MAML3: variants seen among roughly 807,000 people sequenced by gnomAD.
The protein encoded by MAML3 is mastermind-like protein 3.
In MAML3, 27 loss-of-function variants were observed where a neutral mutation model predicts 101.9. The ratio of observed to expected loss-of-function variants is 0.27; its 90% CI spans 0.20 to 0.37. The LOEUF (loss-of-function observed/expected upper bound fraction) is 0.37, where lower values mean the gene tolerates loss of function less well. Ranked by LOEUF, MAML3 falls within the 10% of genes least tolerant of loss-of-function variation. The pLI is 1.00. For synonymous variants in MAML3, 501 were observed against 555.9 expected, an observed-to-expected ratio of 0.90 and a Z score of 1.39; for missense variants, 1,316 against 1,444.9, an observed-to-expected ratio of 0.91 and a Z score of 1.45.
intron 1 of MAML3, among the ~76,000 whole-genome samples, chr4:139,992,048 A>C (rs1278717428): frequency 6.6e-6 from 1 of 152,210 alleles, no homozygotes; most frequent in Admixed American, 6.5e-5. Context: ...CCCCAGATCA[A>C]CTTTGTGTCT....
At chr4:139,885,932 C>CAAAAAAAAAAAAAAAAAAAAAAAAA (rs1182443191) in intron 2 of MAML3, among the ~76,000 whole-genome samples, 3 of 20,306 alleles carry the variant, frequency 1.5e-4, no homozygotes, top group Non-Finnish European at 1.9e-4. Context: ...GACTCCGTCT[C>CAAAAAAAAAAAAAAAAAAAAAAAAA]AAAAAAAAAA....
chr4:139,879,307 C>T (rs1455953722), intron 2 of MAML3, among the ~76,000 whole-genome samples: 1 of 151,894 alleles, frequency 6.6e-6, no homozygotes, highest in Non-Finnish European at 1.5e-5. Context: ...AGATGAGTCA[C>T]TTGAGGTCAG....
chr4:139,792,307 C>G (rs768945287), intron 2 of MAML3, among the ~76,000 whole-genome samples: 17 of 152,122 alleles, frequency 1.1e-4, no homozygotes, highest in Non-Finnish European at 2.4e-4. Context: ...AAACGATATC[C>G]TTTACAGATA....
At chr4:139,967,742 G>A (rs906526252) in intron 1 of MAML3, among the ~76,000 whole-genome samples, 22 of 152,162 alleles carry the variant, frequency 1.4e-4, no homozygotes, top group Non-Finnish European at 2.5e-4. Flanking sequence ...TTTTTCAAAC[G>A]CCTGGACAAA....
chr4:139,942,294 C>T (rs1410534202), intron 1 of MAML3, among the ~76,000 whole-genome samples: 1 of 152,042 alleles, frequency 6.6e-6, no homozygotes, highest in Non-Finnish European at 1.5e-5. Flanking sequence ...CATTAATAGC[C>T]CAGCTAAGAG....
chr4:139,885,128 C>T lies in MAML3; in HGVS notation c.2079+4229G>A, dbSNP rs575308312. 7.9e-5 allele frequency among the ~76,000 whole-genome samples: 12 copies of T among 152,224 alleles called. No homozygotes were observed. In the South Asian group the frequency reaches 1.7e-3, roughly 21 times the overall value. Reference sequence around the variant, plus strand: ...AAATAATAAATACTCAGGCCGGGTGCGGTGGCTCACGCCTGTAATCCCAGC... The same window carrying T: ...AAATAATAAATACTCAGGCCGGGTGTGGTGGCTCACGCCTGTAATCCCAGC... On this transcript the variant is annotated intron_variant, in intron 2 of 4. Transcript: ENST00000509479.
At chr4:139,978,784 C>A (rs1734392660) in intron 1 of MAML3, among the ~76,000 whole-genome samples, 1 of 151,948 alleles carries the variant, frequency 6.6e-6, no homozygotes, top group African/African-American at 2.4e-5. Flanking sequence ...TGGATGACAT[C>A]CCCCCCAGAG....
chr4:139,841,390 C>G (rs551222968), intron 2 of MAML3, among the ~76,000 whole-genome samples: 37 of 152,296 alleles, frequency 2.4e-4, no homozygotes, highest in Non-Finnish European at 4.7e-4. Flanking sequence ...CATGTAGGGT[C>G]AAGGAACAAA....
At chr4:139,994,862 C>T (rs1312159814) in intron 1 of MAML3, among the ~76,000 whole-genome samples, 1 of 151,784 alleles carries the variant, frequency 6.6e-6, no homozygotes, top group East Asian at 1.9e-4. Context: ...TGTGAATAAA[C>T]TTTCCATTTT....
chr4:139,831,653 C>G lies in MAML3; in HGVS notation c.2079+57704G>C, dbSNP rs567473466. Among the ~76,000 whole-genome samples, 26 of 152,262 alleles carry G rather than the reference C, an allele frequency of 1.7e-4. No homozygotes were observed. In the South Asian group the frequency reaches 2.7e-3, roughly 16 times the overall value. On this transcript the variant is annotated intron_variant, in intron 2 of 4. Transcript: ENST00000509479. ...ACACACCGGAGCTTAACCTTAGACC[C>G]GAGCATGGGATCGCCTTCTCCTATG...
intron 1 of MAML3, among the ~76,000 whole-genome samples, chr4:140,107,056 A>G (rs1728363946): frequency 6.6e-6 from 1 of 152,096 alleles, no homozygotes; most frequent in Non-Finnish European, 1.5e-5. Flanking sequence ...TTTTTAGTAG[A>G]GACAGGGTTT....
intron 1 of MAML3, among the ~76,000 whole-genome samples, chr4:140,122,117 G>C (rs1356322525): frequency 6.7e-6 from 1 of 150,154 alleles, no homozygotes; most frequent in Non-Finnish European, 1.5e-5. Context: ...AATTACTCAA[G>C]TCTTGAGGCT....
chr4:140,010,222 C>T (rs539766784), intron 1 of MAML3, among the ~76,000 whole-genome samples: 3 of 152,280 alleles, frequency 2.0e-5, no homozygotes, highest in African/African-American at 7.2e-5. Context: ...TAGTTCTAGA[C>T]TTTATTGAAA....
intron 2 of MAML3, among the ~76,000 whole-genome samples, chr4:139,802,931 T>A (rs1456105836): frequency 2.0e-5 from 3 of 152,200 alleles, no homozygotes; most frequent in African/African-American, 7.2e-5. Flanking sequence ...GACAAAAATA[T>A]CTTATACCTA....
chr4:140,145,133 C>T (rs1226102841), intron 1 of MAML3, among the ~76,000 whole-genome samples: 6 of 152,118 alleles, frequency 3.9e-5, no homozygotes, highest in African/African-American at 9.7e-5. Flanking sequence ...CCTGTCCAGA[C>T]GTGCTCGGGA....
chr4:140,053,315 T>C (rs1727300144), intron 1 of MAML3, among the ~76,000 whole-genome samples: 1 of 152,102 alleles, frequency 6.6e-6, no homozygotes, highest in African/African-American at 2.4e-5. Context: ...CTCCCCTTCA[T>C]CTCCTTCACT....
At position 140,050,935 on chromosome 4, in the gene MAML3, T is replaced by A. The variant is rs537535604; in HGVS notation, c.468+101925A>T. ...TTGCTATACAGGGAAAAATATGATATGAAGCACTAGTACAATCAAGGTATC... is the reference window on the plus strand; with the variant it reads ...TTGCTATACAGGGAAAAATATGATAAGAAGCACTAGTACAATCAAGGTATC... On this transcript the variant is annotated intron_variant, in intron 1 of 4. Transcript: ENST00000509479. Among the ~76,000 whole-genome samples the A allele has an allele frequency of 3.3e-5, 5 of 152,342 alleles. No individual in the cohort carries two copies. In the South Asian group the frequency reaches 1.0e-3, roughly 32 times the overall value.
chr4:139,885,139 G>A (rs545418675), intron 2 of MAML3, among the ~76,000 whole-genome samples: 31 of 152,100 alleles, frequency 2.0e-4, no homozygotes, highest in African/African-American at 6.5e-4. Context: ...GGTGGCTCAC[G>A]CCTGTAATCC....
chr4:139,833,955 A>G (rs1408092098), intron 2 of MAML3, among the ~76,000 whole-genome samples: 1 of 152,056 alleles, frequency 6.6e-6, no homozygotes, highest in East Asian at 1.9e-4. Flanking sequence ...GAAATTTGGG[A>G]TCTTTAAGAG....
Sources: gnomAD v4.1 joint callset for allele counts (sites outside exome capture counted in the v4.1 genomes callset) on GRCh38, gnomAD v4.1.1 for gene constraint, MANE v1.5 for transcripts, NCBI Gene and HGNC (gene_info 2026-07-23, HGNC 2026-07-21) for gene names.